The following IFT52 variants were observed in gnomAD, a reference collection of about 807,000 sequenced individuals.
IFT52 encodes intraflagellar transport 52, also known as intraflagellar transport protein 52 homolog.
IFT52 carries 44 observed loss-of-function variants against 54.4 expected under a neutral mutation model. The ratio of observed to expected loss-of-function variants is 0.81; its 90% CI spans 0.63 to 1.04. The LOEUF (loss-of-function observed/expected upper bound fraction) is 1.04, where lower values mean the gene tolerates loss of function less well. IFT52 is among the 50% of genes least tolerant of loss of function. IFT52 has a pLI of 0.00. For missense variants in IFT52, 452 were observed against 523.6 expected, an observed-to-expected ratio of 0.86 and a Z score of 1.33; for synonymous variants, 181 against 185.3, an observed-to-expected ratio of 0.98 and a Z score of 0.19.
At chr20:43,622,717 ATG>A (rs1984407171) in intron 9 of IFT52, among the ~76,000 whole-genome samples, 1 of 146,710 alleles carries the variant, frequency 6.8e-6, no homozygotes, top group Admixed American at 6.8e-5. Context: ...ACATATTTTT[ATG>A]TAAATATAAA....
At chr20:43,594,960 T>G (rs1282249631) in intron 2 of IFT52, 143 bp downstream of exon 2, 1 of 627,350 alleles carries the variant, frequency 1.6e-6, no homozygotes, top group East Asian at 2.7e-5. Context: ...AGGTCTGGCG[T>G]GGTGGCTCAC....
intron 9 of IFT52, 102 bp from the exon 10 acceptor site, chr20:43,623,789 A>C: frequency 3.1e-6 from 4 of 1,307,244 alleles, no homozygotes; most frequent in Non-Finnish European, 4.2e-6. Flanking sequence ...TTTCTTGGCA[A>C]GAGAATATAA....
rs554235022 is a variant in IFT52, at chr20:43,602,015, G to T, written c.208-1745G>T. Among the ~76,000 whole-genome samples the T allele has an allele frequency of 5.3e-5, 8 of 152,186 alleles. No individual in the cohort carries two copies. In the South Asian group the frequency reaches 1.5e-3, roughly 28 times the overall value. ...TCCACTCAAGGAACCGATAGTCTAG[G>T]GGAAATGACACAAATGGACCATCTA... On this transcript the variant is annotated intron_variant, in intron 3 of 13. Transcript: ENST00000373030.
chr20:43,629,350 GCA>G (rs754750092), intron 10 of IFT52, among the ~76,000 whole-genome samples: 107,274 of 151,770 alleles, frequency 0.71, 38,545 homozygotes, highest in East Asian at 0.8. Flanking sequence ...TCGACTCACT[GCA>G]AGCTCCGCCT....
At chr20:43,641,091 G>A (rs1985889417) in intron 12 of IFT52, among the ~76,000 whole-genome samples, 2 of 151,420 alleles carry the variant, frequency 1.3e-5, no homozygotes, top group South Asian at 4.2e-4. Context: ...GAGAAGGGCA[G>A]TAATGGCTGT....
chr20:43,605,723 A>G (rs1324074520), intron 6 of IFT52, among the ~76,000 whole-genome samples: 4 of 152,166 alleles, frequency 2.6e-5, no homozygotes, highest in African/African-American at 7.2e-5. Flanking sequence ...CTTTAATAAT[A>G]CCACCTAATG....
intron 10 of IFT52, among the ~76,000 whole-genome samples, chr20:43,626,900 A>G (rs1332893055): frequency 1.3e-5 from 2 of 152,026 alleles, no homozygotes; most frequent in African/African-American, 4.8e-5. Context: ...ACGGTGACTC[A>G]ACGCCTGTAA....
intron 13 of IFT52, among the ~76,000 whole-genome samples, chr20:43,642,992 C>A (rs1386957781): frequency 6.6e-6 from 1 of 151,810 alleles, no homozygotes; most frequent in South Asian, 2.1e-4. Flanking sequence ...CATGGTGAAA[C>A]CCCCTCTCCA....
intron 10 of IFT52, among the ~76,000 whole-genome samples, chr20:43,633,275 G>A (rs184726711): frequency 1.3e-5 from 2 of 151,994 alleles, no homozygotes; most frequent in East Asian, 1.9e-4. Flanking sequence ...CCCGGAAGGC[G>A]GAGGTTGCGG....
intron 7 of IFT52, 83 bp downstream of exon 7, chr20:43,614,059 TC>T: frequency 7.5e-7 from 1 of 1,330,980 alleles, no homozygotes; most frequent in Non-Finnish European, 1.1e-6. Flanking sequence ...CCAGAAGGCT[TC>T]TATATGTTTT....
chr20:43,602,650 G>A (rs536715406), intron 3 of IFT52, among the ~76,000 whole-genome samples: 52 of 151,186 alleles, frequency 3.4e-4, no homozygotes, highest in African/African-American at 1.2e-3. Flanking sequence ...CTGGGGCTAC[G>A]GGTGCATACC....
At chr20:43,598,524 A>T (rs971089256) in intron 3 of IFT52, among the ~76,000 whole-genome samples, 3 of 152,060 alleles carry the variant, frequency 2.0e-5, no homozygotes, top group African/African-American at 7.2e-5. Flanking sequence ...GTGAAACCTC[A>T]TCTCTACTAA....
chr20:43,628,640 C>G (rs1436910730), intron 10 of IFT52, among the ~76,000 whole-genome samples: 2 of 152,124 alleles, frequency 1.3e-5, no homozygotes, highest in Non-Finnish European at 2.9e-5. Flanking sequence ...ATCACGAGGT[C>G]AGGAGTTTGA....
Position 43,647,168 on chromosome 20 carries a change from T to TA in IFT52, c.*186dup. ...TTTTTCACAAAATCCTTATGTAAGA[T>TA]ACATTCCATTTTTAAAAATTAAATG... is the stretch of plus-strand genomic sequence containing the variant. On this transcript the variant is annotated 3_prime_UTR_variant, in exon 14 of 14. Coordinates refer to ENST00000373030, the MANE Select transcript of IFT52 (RefSeq NM_016004.5). 1.7e-6 allele frequency: 1 copy of TA among 581,834 alleles called. No individual in the cohort carries two copies. Among genetic ancestry groups the TA allele is most frequent in the African/African-American group, 1.9e-5 (1 of 53,684 alleles). The allele number at this position is 581,834 out of a possible 1,614,324, so 36.0% of individuals were successfully genotyped here.
chr20:43,617,416 A>G (rs542456370), intron 7 of IFT52, among the ~76,000 whole-genome samples: 1 of 150,454 alleles, frequency 6.6e-6, no homozygotes, highest in Non-Finnish European at 1.5e-5. Flanking sequence ...TCATTATTTT[A>G]TGACTCTCTC....
At chr20:43,598,532 TA>T (rs1237113976) in intron 3 of IFT52, among the ~76,000 whole-genome samples, 1 of 152,036 alleles carries the variant, frequency 6.6e-6, no homozygotes, top group Non-Finnish European at 1.5e-5. Context: ...TCATCTCTAC[TA>T]AAAATACAAA....
At chr20:43,611,997 TCCAGCCTG>T (rs1157834679) in intron 6 of IFT52, among the ~76,000 whole-genome samples, 4 of 151,934 alleles carry the variant, frequency 2.6e-5, no homozygotes, top group African/African-American at 9.7e-5. Flanking sequence ...GCCATTGCAC[TCCAGCCTG>T]GGTGATAAGA....
Position 43,594,837 on chromosome 20 carries a change from G to A in IFT52, c.119+20G>A, listed in dbSNP as rs1457127741. On this transcript the variant is annotated intron_variant, in intron 2 of 13. Coordinates refer to ENST00000373030, the MANE Select transcript of IFT52 (RefSeq NM_016004.5). ...TCAGAGGTGACTGACCATGTATATT[G>A]TTTTCCCTTCTAAATGATATTGTCC... is the stretch of plus-strand genomic sequence containing the variant. 3 of 1,204,316 alleles carry A rather than the reference G, an allele frequency of 2.5e-6. No homozygotes were observed. The highest frequency in any genetic ancestry group is 2.5e-6 in the Non-Finnish European group (2 of 807,280). 74.6% of individuals were successfully genotyped at this position (1,204,316 alleles called of 1,614,324 possible).
At chr20:43,620,147 C>T (rs1568761509) in intron 8 of IFT52, among the ~76,000 whole-genome samples, 1 of 151,834 alleles carries the variant, frequency 6.6e-6, no homozygotes, top group Non-Finnish European at 1.5e-5. Flanking sequence ...GAACTCCTGA[C>T]TTCAGGTGAT....
Sources: gnomAD v4.1 joint callset for allele counts (sites outside exome capture counted in the v4.1 genomes callset) on GRCh38, gnomAD v4.1.1 for gene constraint, MANE v1.5 for transcripts, NCBI Gene and HGNC (gene_info 2026-07-23, HGNC 2026-07-21) for gene names.